DNAH17: variants seen among roughly 807,000 people sequenced by gnomAD.
The protein encoded by DNAH17 is dynein axonemal heavy chain 17.
In DNAH17, 376 loss-of-function variants were observed where a neutral mutation model predicts 485.6. That is an observed-to-expected ratio of 0.77 (90% CI 0.71 to 0.84). DNAH17 has a LOEUF of 0.84. DNAH17 is among the 40% of genes least tolerant of loss of function. DNAH17 has a pLI of 0.00. For missense variants in DNAH17, 6,370 were observed against 5,839.3 expected (o/e 1.09, Z -2.96); for synonymous variants, 3,031 against 2,405.9 (o/e 1.26, Z -7.60).
intron 14 of DNAH17, among the ~76,000 whole-genome samples, chr17:78,555,139 A>G (rs915225695): frequency 5.3e-5 from 8 of 152,214 alleles, no homozygotes; most frequent in African/African-American, 1.9e-4. Context: ...AAAGAGAAAT[A>G]GAGTATAAGA....
chr17:78,443,668 G>A (rs2087159158), intron 71 of DNAH17, among the ~76,000 whole-genome samples: 1 of 152,162 alleles, frequency 6.6e-6, no homozygotes, highest in Non-Finnish European at 1.5e-5. Flanking sequence ...TCCCACCTCA[G>A]CCTTCTGAGT....
chr17:78,478,984 G>A (rs778630015), intron 51 of DNAH17, 41 bp downstream of exon 51: 7 of 1,568,922 alleles, frequency 4.5e-6, no homozygotes, highest in Non-Finnish European at 6.1e-6. Flanking sequence ...TCAGGCACTG[G>A]ACCGTAAGGC....
intron 14 of DNAH17, 39 bp from the exon 15 acceptor site, chr17:78,552,844 C>T (rs973148242): frequency 2.1e-6 from 3 of 1,445,316 alleles, no homozygotes; most frequent in African/African-American, 1.4e-5. Flanking sequence ...CCGAGTCCAA[C>T]CAGATTTTAA....
Position 78,437,502 on chromosome 17 carries a change from G to C in DNAH17, c.12033+139C>G. On this transcript the variant is annotated intron_variant, in intron 74 of 80. Transcript: ENST00000389840. ...GAAATACATTGATTTTGACTGCGAG[G>C]GGTGTGTGGACAGGGGAAGCCCAGA... The C allele has an allele frequency of 1.6e-5, 9 of 574,730 alleles. No individual in the cohort carries two copies. The East Asian group carries it at 2.3e-4, about 15-fold the overall frequency. The allele number at this position is 574,730 out of a possible 1,614,324, so 35.6% of individuals were successfully genotyped here. A position where few individuals can be genotyped will look rare whatever the true frequency, so the allele number is the denominator to read the frequency against.
At chr17:78,460,387 T>TGTGTGTGCATGCATGC (rs534464820) in intron 58 of DNAH17, 130 bp from the exon 59 acceptor site, 64 of 749,990 alleles carry the variant, frequency 8.5e-5, no homozygotes, top group African/African-American at 7.7e-4. Flanking sequence ...TATGTGTGCA[T>TGTGTGTGCATGCATGC]ATATGTGCAT....
At position 78,426,919 on chromosome 17, in the gene DNAH17, T is replaced by C. The variant is rs762938352; in HGVS notation, c.12771+7A>G. 1 of 1,597,962 alleles carries C rather than the reference T, an allele frequency of 6.3e-7. No individual in the cohort carries two copies. Among genetic ancestry groups the C allele is most frequent in the South Asian group, 1.1e-5 (1 of 88,398 alleles). On this transcript the variant is annotated splice_region_variant and intron_variant, in intron 78 of 80. Coordinates refer to ENST00000389840, the MANE Select transcript of DNAH17 (RefSeq NM_173628.4). ...ACGTCCCTGGGGCCGGGCTGACCCA[T>C]GTTTACCTTCAGCCCCAGGTTCAGC...
At chr17:78,515,108 G>A (rs531206613) in intron 25 of DNAH17, 86 bp from the exon 26 acceptor site, 12 of 1,498,276 alleles carry the variant, frequency 8.0e-6, no homozygotes, top group Admixed American at 7.8e-5. Context: ...GCACTTACTC[G>A]CAGGGAGCAA....
rs931460919 is a variant in DNAH17, at chr17:78,449,467, G to A, written c.11158C>T (p.Arg3720Trp). Residue 3720 changes from arginine (R) to tryptophan (W), a missense_variant, in exon 69 of 81, where the codon CGG becomes TGG. Coordinates refer to ENST00000389840, the MANE Select transcript of DNAH17 (RefSeq NM_173628.4). ...AGTTTGTCCCTCTCGAAGAGTCCCC[G>A]GGCCGTGTACATGTAGACGGAGTAG... Reference protein sequence around the residue: ...ITYSVYMYTARGLFERDKLIF... With the variant: ...ITYSVYMYTAWGLFERDKLIF... 3.9e-6 allele frequency: 6 copies of A among 1,558,314 alleles called. No homozygotes were observed. Among genetic ancestry groups the A allele is most frequent in the African/African-American group, 1.4e-5 (1 of 73,374 alleles).
rs150810090 is a variant in DNAH17, at chr17:78,566,666, G to A, written c.1517C>T (p.Thr506Met). The A allele has an allele frequency of 1.7e-5, 28 of 1,611,086 alleles. No individual in the cohort carries two copies. Among genetic ancestry groups the A allele is most frequent in the East Asian group, 1.1e-4 (5 of 44,862 alleles). The stretch of plus-strand genomic sequence containing the variant: ...GTCATCAAATCCTTGGCAAAAGATC[G>A]TGGCCAGCCTCCTATCCAGGTCTTG... ...KIQDLDRRLA[T>M]IFCQGFDDCS... The change falls in exon 11 of 81, where the codon ACG (threonine) becomes ATG (methionine). Residue 506 changes from threonine to methionine, a missense_variant. Coordinates refer to ENST00000389840, the MANE Select transcript of DNAH17 (RefSeq NM_173628.4).
chr17:78,572,131 T>G (rs1378024657), intron 3 of DNAH17, among the ~76,000 whole-genome samples: 1 of 152,126 alleles, frequency 6.6e-6, no homozygotes, highest in Non-Finnish European at 1.5e-5. Context: ...TTGTGAATGA[T>G]CAGTGGAGGA....
At chr17:78,446,116 G>A (rs1477677465) in intron 69 of DNAH17, among the ~76,000 whole-genome samples, 1 of 128,342 alleles carries the variant, frequency 7.8e-6, no homozygotes, top group Non-Finnish European at 1.6e-5. Context: ...AGAGGTTACA[G>A]TAAGCCGAGA....
At chr17:78,463,218 G>C (rs1227270311) in intron 56 of DNAH17, 141 bp from the exon 57 acceptor site, 3 of 701,430 alleles carry the variant, frequency 4.3e-6, no homozygotes, top group East Asian at 5.4e-5. Flanking sequence ...GCCCAAAGGG[G>C]CTCCTGAGAG....
intron 14 of DNAH17, among the ~76,000 whole-genome samples, chr17:78,553,333 A>C (rs1598715373): frequency 1.0e-4 from 10 of 98,710 alleles, no homozygotes; most frequent in South Asian, 7.3e-4. Context: ...ATGGAGTCTC[A>C]CTCTGTCACC....
At chr17:78,491,694 A>T (rs2089865297) in intron 42 of DNAH17, 124 bp from the exon 43 acceptor site, 1 of 1,425,926 alleles carries the variant, frequency 7.0e-7, no homozygotes. Context: ...GGAACAGCAG[A>T]GGCCCTCGGG....
At chr17:78,567,354 C>T (rs114611738) in intron 9 of DNAH17, among the ~76,000 whole-genome samples, 188 bp from the exon 10 acceptor site, 2 of 151,978 alleles carry the variant, frequency 1.3e-5, no homozygotes, top group African/African-American at 4.8e-5. Context: ...CCATCCCCTG[C>T]AGAAAGAGGG....
chr17:78,467,981 G>A (rs888134609), intron 55 of DNAH17, among the ~76,000 whole-genome samples: 1 of 147,194 alleles, frequency 6.8e-6, no homozygotes, highest in Non-Finnish European at 1.5e-5. Context: ...TCACGCCATT[G>A]CACTCCAGCC....
In DNAH17 at chr17:78,463,053, A is replaced by C. The variant is rs751070497; in HGVS notation, c.8965T>G (p.Phe2989Val). 3 of 1,613,906 alleles carry C rather than the reference A, an allele frequency of 1.9e-6. No homozygotes were observed. The highest frequency in any genetic ancestry group is 1.7e-6 in the Non-Finnish European group (2 of 1,179,868). ...IPWEVKASIS[F>V]FMSYVHTTVN... ...GTGGTGTGCACGTAGGACATGAAGA[A>C]GCTGATGGAGGCCTTGACTTCCCAC... The change falls in exon 57 of 81, where the codon TTC becomes GTC. Residue 2989 changes from phenylalanine (F) to valine (V), a missense_variant. By Grantham distance (50) the Phe-to-Val change is conservative. Coordinates refer to ENST00000389840, the MANE Select transcript of DNAH17 (RefSeq NM_173628.4).
At position 78,507,294 on chromosome 17, in the gene DNAH17, C is replaced by T; in HGVS notation, c.4660G>A (p.Glu1554Lys). 6.2e-7 allele frequency: 1 copy of T among 1,613,986 alleles called. No individual in the cohort carries two copies. The highest frequency in any genetic ancestry group is 8.5e-7 in the Non-Finnish European group (1 of 1,179,898). Reference protein sequence around the residue: ...TSKPGLYNKLEALKKSLAICE... With the variant: ...TSKPGLYNKLKALKKSLAICE... ...GAGCCGCACCTCTTCTTCAGGGCCTCCAGTTTATTGTAGAGGCCGGGTTTG... is the reference window on the plus strand; with the variant it reads ...GAGCCGCACCTCTTCTTCAGGGCCTTCAGTTTATTGTAGAGGCCGGGTTTG... The change falls in exon 29 of 81, where the codon GAG (glutamate) becomes AAG (lysine). Residue 1554 changes from glutamate to lysine, a missense_variant. By Grantham distance (56) the Glu-to-Lys change is moderately conservative. Transcript: ENST00000389840.
Position 78,429,170 on chromosome 17 carries a change from T to C in DNAH17, c.12356A>G (p.Asp4119Gly), listed in dbSNP as rs768533067. The C allele has an allele frequency of 6.2e-7, 1 of 1,613,640 alleles. No homozygotes were observed. The highest frequency in any genetic ancestry group is 1.7e-5 in the Admixed American group (1 of 60,004). Residue 4119 changes from aspartate (D) to glycine (G), a missense_variant, in exon 76 of 81, where the codon GAC (aspartate) becomes GGC (glycine). Asp to Gly is a moderately conservative substitution (Grantham distance 94). Transcript: ENST00000389840. ...CTGAAAGCCGGGGGCCAGCAGGACG[T>C]CTCCCTCCAGCATCTCCGTCCGGAT... The part of the protein sequence containing the change: ...EYIRTEMLEG[D>G]VLLAPGFQIP...
Sources: gnomAD v4.1 joint callset for allele counts (sites outside exome capture counted in the v4.1 genomes callset) on GRCh38, gnomAD v4.1.1 for gene constraint, MANE v1.5 for transcripts, NCBI Gene and HGNC (gene_info 2026-07-23, HGNC 2026-07-21) for gene names.